AGBL1: variants seen among roughly 807,000 people sequenced by gnomAD.
AGBL1 encodes AGBL carboxypeptidase 1.
A neutral mutation model predicts 118.9 loss-of-function variants in AGBL1; 130 were observed. The observed-to-expected ratio is 1.09, with a 90% CI of 0.95 to 1.26. The LOEUF is 1.26. Among genes scored for constraint, AGBL1 ranks in the 50% most tolerant of loss-of-function variants. The pLI is 0.00. For missense variants in AGBL1, 1,584 were observed against 1,298.1 expected (o/e 1.22, Z -3.38); for synonymous variants, 555 against 478.9 (o/e 1.16, Z -2.08).
At chr15:86,314,526 T>C (rs1027641514) in intron 17 of AGBL1, among the ~76,000 whole-genome samples, 1 of 152,216 alleles carries the variant, frequency 6.6e-6, no homozygotes, top group Non-Finnish European at 1.5e-5. Flanking sequence ...AGAAATTCTA[T>C]GGCCCCTTCC....
intron 17 of AGBL1, among the ~76,000 whole-genome samples, chr15:86,373,027 A>G (rs2080991835): frequency 6.6e-6 from 1 of 152,082 alleles, no homozygotes; most frequent in African/African-American, 2.4e-5. Context: ...TTTTGTTTAT[A>G]GTTTCTGGCA....
chr15:86,746,237 A>G (rs1293045840), intron 22 of AGBL1, among the ~76,000 whole-genome samples: 4 of 152,162 alleles, frequency 2.6e-5, no homozygotes, highest in Non-Finnish European at 4.4e-5. Flanking sequence ...TGACTTATGC[A>G]TGACCTTGTA....
intron 22 of AGBL1, among the ~76,000 whole-genome samples, chr15:86,855,566 C>T (rs142281194): frequency 6.6e-6 from 1 of 152,136 alleles, no homozygotes; most frequent in Non-Finnish European, 1.5e-5. Flanking sequence ...TCCCCAGCCA[C>T]AATAAGAAGC....
chr15:86,855,447 C>T (rs931474431), intron 22 of AGBL1, among the ~76,000 whole-genome samples: 42 of 152,158 alleles, frequency 2.8e-4, no homozygotes, highest in African/African-American at 9.7e-4. Context: ...TGGGGTTAAG[C>T]AATCCAGCTA....
chr15:86,693,792 C>A (rs928793174), intron 22 of AGBL1, among the ~76,000 whole-genome samples: 8 of 152,080 alleles, frequency 5.3e-5, no homozygotes, highest in African/African-American at 1.9e-4. Context: ...AGATGACAAT[C>A]CAGTTTCATT....
intron 22 of AGBL1, among the ~76,000 whole-genome samples, chr15:86,780,279 CAT>C (rs1052386612): frequency 8.9e-4 from 136 of 152,250 alleles, no homozygotes; most frequent in African/African-American, 3.2e-3. Context: ...ATCAGATGAC[CAT>C]ATGTTTCAGA....
intron 24 of AGBL1, among the ~76,000 whole-genome samples, chr15:86,989,122 C>T (rs2594323): frequency 6.6e-6 from 1 of 151,652 alleles, no homozygotes; most frequent in Non-Finnish European, 1.5e-5. Flanking sequence ...CTGTTTCAGC[C>T]TCTCAAGTAG....
chr15:86,172,713 A>T (rs1015628832), intron 5 of AGBL1, among the ~76,000 whole-genome samples: 2 of 152,208 alleles, frequency 1.3e-5, no homozygotes, highest in Admixed American at 1.3e-4. Flanking sequence ...GTATTCCATT[A>T]TGGATATAGA....
At chr15:86,948,477 G>C (rs1403360990) in intron 23 of AGBL1, among the ~76,000 whole-genome samples, 1 of 152,206 alleles carries the variant, frequency 6.6e-6, no homozygotes, top group South Asian at 2.1e-4. Context: ...ATTTAAAAAA[G>C]GTTAAAACTC....
At chr15:86,509,062 A>T (rs1352130718) in intron 18 of AGBL1, among the ~76,000 whole-genome samples, 1 of 152,174 alleles carries the variant, frequency 6.6e-6, no homozygotes, top group Non-Finnish European at 1.5e-5. Flanking sequence ...AAAATTTAAC[A>T]AAGTTAAATA....
chr15:86,356,491 G>T (rs1056349571), intron 17 of AGBL1, among the ~76,000 whole-genome samples: 1 of 152,020 alleles, frequency 6.6e-6, no homozygotes, highest in African/African-American at 2.4e-5. Flanking sequence ...AATAATAAGG[G>T]TGGCCTTGTT....
rs566765457 is a variant in AGBL1 at position 86,428,268 on chromosome 15, G to A, written c.2555+30722G>A. On this transcript the variant is annotated intron_variant, in intron 18 of 22. Coordinates refer to ENST00000614907, the MANE Select transcript of AGBL1 (RefSeq NM_001386094.1). ...GTAGAAAGACTGCTAAACAGAGTAG[G>A]ACAAGAGGGAGTTCCTGTTGCTCTA... Among the ~76,000 whole-genome samples, 4 of 152,298 alleles carry A rather than the reference G, an allele frequency of 2.6e-5. No homozygotes were observed. In the South Asian group the frequency reaches 8.3e-4, roughly 32 times the overall value.
rs543844015 is a variant in AGBL1, at chr15:86,565,562, A to G, written c.2994+11025A>G. 1.5e-3 allele frequency among the ~76,000 whole-genome samples: 234 copies of G among 152,306 alleles called. 2 individuals are homozygous for G. The highest frequency in any genetic ancestry group is 5.3e-3 in the African/African-American group (220 of 41,584). ...CCCTACTGGGGGGTGCCTCCCAGTTAGGCTACTCAGGGGTCAAGGACCCAC... is the reference window on the plus strand; with the variant it reads ...CCCTACTGGGGGGTGCCTCCCAGTTGGGCTACTCAGGGGTCAAGGACCCAC... On this transcript the variant is annotated intron_variant, in intron 21 of 22. Coordinates refer to ENST00000614907, the MANE Select transcript of AGBL1 (RefSeq NM_001386094.1).
intron 17 of AGBL1, among the ~76,000 whole-genome samples, chr15:86,316,468 C>T (rs1327142229): frequency 6.6e-6 from 1 of 152,152 alleles, no homozygotes; most frequent in African/African-American, 2.4e-5. Flanking sequence ...GCCTGACGGC[C>T]CTGGCTCTCA....
chr15:86,763,488 A>G (rs572375763), intron 22 of AGBL1, among the ~76,000 whole-genome samples: 1 of 152,146 alleles, frequency 6.6e-6, no homozygotes, highest in South Asian at 2.1e-4. Flanking sequence ...ATGGGGAGAT[A>G]GATGATGGGG....
intron 22 of AGBL1, among the ~76,000 whole-genome samples, chr15:86,677,779 G>T (rs997244368): frequency 6.6e-6 from 1 of 151,894 alleles, no homozygotes. Flanking sequence ...AACACTAAAA[G>T]AATAAAAATT....
chr15:86,674,210 C>G, intron 21 of AGBL1, 63 bp from the exon 22 acceptor site: 1 of 1,479,398 alleles, frequency 6.8e-7, no homozygotes, highest in African/African-American at 1.4e-5. Context: ...TTCCTAATTT[C>G]AAAGTGTCAC....
intron 22 of AGBL1, among the ~76,000 whole-genome samples, chr15:86,875,135 C>T (rs1275846382): frequency 1.3e-5 from 2 of 152,130 alleles, no homozygotes; most frequent in Non-Finnish European, 2.9e-5. Flanking sequence ...CCAGAGAAAA[C>T]GTGTCACAAT....
At chr15:86,111,140 G>A (rs567494122) in intron 1 of AGBL1, among the ~76,000 whole-genome samples, 2 of 152,362 alleles carry the variant, frequency 1.3e-5, no homozygotes, top group South Asian at 4.1e-4. Context: ...GGTTGGTCCT[G>A]AGCGTCTCCT....
Sources: gnomAD v4.1 joint callset for allele counts (sites outside exome capture counted in the v4.1 genomes callset) on GRCh38, gnomAD v4.1.1 for gene constraint, MANE v1.5 for transcripts, NCBI Gene and HGNC (gene_info 2026-07-23, HGNC 2026-07-21) for gene names.